The following HERC3 variants were observed in gnomAD, a reference collection of about 807,000 sequenced individuals.
HERC3 encodes HECT and RLD domain containing E3 ubiquitin protein ligase 3.
A neutral mutation model predicts 129.9 loss-of-function variants in HERC3; 58 were observed. The observed-to-expected ratio is 0.45, with a 90% confidence interval of 0.36 to 0.56. HERC3 has a LOEUF of 0.56. HERC3 is among the 20% of genes least tolerant of loss of function. HERC3 has a pLI of 0.00. For synonymous variants in HERC3, 430 were observed against 451.0 expected, an observed-to-expected ratio of 0.95 and a Z score of 0.59; for missense variants, 835 against 1,244.2, an observed-to-expected ratio of 0.67 and a Z score of 4.95.
At chr4:88,665,753 G>T (rs917861415) in intron 12 of HERC3, among the ~76,000 whole-genome samples, 3 of 152,080 alleles carry the variant, frequency 2.0e-5, no homozygotes, top group African/African-American at 7.2e-5. Flanking sequence ...ACTCTCTTTG[G>T]TTACATTTAG....
chr4:88,549,642 T>C, the HERC3 span, among the ~76,000 whole-genome samples: 1 of 152,176 alleles, frequency 6.6e-6, no homozygotes, highest in African/African-American at 2.4e-5. Context: ...AAGGACATGA[T>C]TTCATTCTCT....
intron 23 of HERC3, among the ~76,000 whole-genome samples, chr4:88,689,147 A>T (rs1235773668): frequency 6.6e-6 from 1 of 152,072 alleles, no homozygotes; most frequent in Non-Finnish European, 1.5e-5. Context: ...GCAATTGGAG[A>T]TCCTATTAAA....
chr4:88,694,817 G>T (rs1734430784), intron 23 of HERC3, among the ~76,000 whole-genome samples: 1 of 152,004 alleles, frequency 6.6e-6, no homozygotes, highest in Admixed American at 6.5e-5. Context: ...TAAATGTTTT[G>T]ATTTCTTATT....
the HERC3 span, among the ~76,000 whole-genome samples, chr4:88,560,212 G>T: frequency 1.3e-5 from 2 of 151,926 alleles, no homozygotes; most frequent in Non-Finnish European, 2.9e-5. Flanking sequence ...CACCCGCCTC[G>T]GCCTCCCAAA....
At chr4:88,566,763 A>G in the HERC3 span, among the ~76,000 whole-genome samples, 1 of 152,294 alleles carries the variant, frequency 6.6e-6, no homozygotes, top group Middle Eastern at 3.4e-3. Flanking sequence ...TTTGCTGGAT[A>G]TACTACTCTA....
Position 88,704,597 on chromosome 4 carries a change from G to A in HERC3, c.2931G>A (p.Lys977=). 1.9e-6 allele frequency: 3 copies of A among 1,589,008 alleles called. No homozygotes were observed. The highest frequency in any genetic ancestry group is 2.6e-6 in the Non-Finnish European group (3 of 1,157,286). The change falls in exon 25 of 26, where the codon AAG becomes AAA. Residue 977 remains lysine, a synonymous_variant. Transcript: ENST00000402738. ...TTCATGAGTTTCCATTGGAAAAGAA[G>A]AAGAAGTTTCTCTGTAAGTATCAGT... is the stretch of plus-strand genomic sequence containing the variant. ...ETFHEFPLEK[K]KKFLLFLTGS...
At position 88,704,559 on chromosome 4, in the gene HERC3, T is replaced by C; in HGVS notation, c.2893T>C (p.Phe965Leu). The C allele has an allele frequency of 6.2e-7, 1 of 1,612,434 alleles. No individual in the cohort carries two copies. Among genetic ancestry groups the C allele is most frequent in the South Asian group, 1.1e-5 (1 of 91,036 alleles). Residue 965 changes from phenylalanine to leucine, a missense_variant, in exon 25 of 26, where the codon TTT (phenylalanine) becomes CTT (leucine). By Grantham distance (22) the Phe-to-Leu change is conservative. Coordinates refer to ENST00000402738, the MANE Select transcript of HERC3 (RefSeq NM_014606.3). ...YSATHPTVKL[F>L]WETFHEFPLE... ...GGCCACACATCCCACTGTAAAACTATTTTGGGAAACATTTCATGAGTTTCC... is the reference window on the plus strand; with the variant it reads ...GGCCACACATCCCACTGTAAAACTACTTTGGGAAACATTTCATGAGTTTCC...
chr4:88,669,135 A>G (rs987316582), intron 14 of HERC3, among the ~76,000 whole-genome samples: 2 of 152,196 alleles, frequency 1.3e-5, no homozygotes, highest in African/African-American at 4.8e-5. Flanking sequence ...ACCCCAAAGT[A>G]GAGAGTATGC....
chr4:88,618,942 T>C (rs995746028), intron 3 of HERC3, among the ~76,000 whole-genome samples: 11 of 152,158 alleles, frequency 7.2e-5, no homozygotes, highest in Admixed American at 7.2e-4. Context: ...AACAGAGGTG[T>C]CTGGAGACCT....
chr4:88,566,616 G>A, the HERC3 span, among the ~76,000 whole-genome samples: 1 of 152,034 alleles, frequency 6.6e-6, no homozygotes, highest in Non-Finnish European at 1.5e-5. Context: ...ATGATTTATT[G>A]TTGTTAACAT....
intron 3 of HERC3, among the ~76,000 whole-genome samples, chr4:88,616,928 G>A (rs1185123136): frequency 6.6e-6 from 1 of 152,038 alleles, no homozygotes; most frequent in Non-Finnish European, 1.5e-5. Context: ...GCCTACTAGT[G>A]TGGGTGTAAG....
At chr4:88,555,319 G>A in the HERC3 span, among the ~76,000 whole-genome samples, 6 of 151,616 alleles carry the variant, frequency 4.0e-5, no homozygotes, top group Admixed American at 3.3e-4. Context: ...AAATTATATG[G>A]AATTATATGG....
intron 3 of HERC3, among the ~76,000 whole-genome samples, chr4:88,642,973 T>C (rs1728286950): frequency 2.0e-5 from 3 of 152,132 alleles, no homozygotes; most frequent in Admixed American, 2.0e-4. Context: ...AAACCATCTC[T>C]ATTCTCAGAA....
intron 3 of HERC3, among the ~76,000 whole-genome samples, chr4:88,611,834 A>G (rs1578165949): frequency 6.6e-6 from 1 of 152,240 alleles, no homozygotes; most frequent in African/African-American, 2.4e-5. Flanking sequence ...GGGTATGGTC[A>G]TCTAGCACTA....
intron 25 of HERC3, among the ~76,000 whole-genome samples, 165 bp from the exon 26 acceptor site, chr4:88,706,587 C>T (rs557580819): frequency 4.0e-5 from 6 of 151,126 alleles, no homozygotes; most frequent in South Asian, 2.1e-4. Context: ...TTTTTCTTAA[C>T]GGCATCTAAT....
intron 3 of HERC3, among the ~76,000 whole-genome samples, chr4:88,623,644 A>C (rs1254057053): frequency 6.6e-6 from 1 of 152,210 alleles, no homozygotes; most frequent in African/African-American, 2.4e-5. Flanking sequence ...GTTGACCATC[A>C]GTACGTATGT....
At chr4:88,530,936 A>G in the HERC3 span, among the ~76,000 whole-genome samples, 3 of 151,962 alleles carry the variant, frequency 2.0e-5, no homozygotes, top group Admixed American at 1.3e-4. Context: ...TGCAACCTCT[A>G]CCTCCCAGGT....
At chr4:88,563,264 A>G in the HERC3 span, among the ~76,000 whole-genome samples, 1 of 152,120 alleles carries the variant, frequency 6.6e-6, no homozygotes, top group African/African-American at 2.4e-5. Flanking sequence ...GCTATTGTAA[A>G]TCAGGTTGCT....
At chr4:88,553,428 TAACTA>T in the HERC3 span, among the ~76,000 whole-genome samples, 1 of 152,122 alleles carries the variant, frequency 6.6e-6, no homozygotes, top group Admixed American at 6.6e-5. Context: ...GTAAATGAAA[TAACTA>T]AAAATACTCA....
Sources: allele counts gnomAD v4.1 joint callset (sites outside exome capture counted in the v4.1 genomes callset), GRCh38; gene constraint gnomAD v4.1.1; transcripts MANE v1.5; gene names NCBI Gene and HGNC (gene_info 2026-07-23, HGNC 2026-07-21).